The following SV2C variants were observed in gnomAD, a reference collection of about 807,000 sequenced individuals.
SV2C encodes the protein solute carrier family 22 member B3.
In SV2C, 49 loss-of-function variants were observed where a neutral mutation model predicts 79.7. The observed-to-expected ratio is 0.61, with a 90% CI of 0.49 to 0.78. SV2C has a LOEUF of 0.78. Among genes scored for constraint, SV2C ranks in the 30% least tolerant of loss-of-function variants. The pLI, the probability that SV2C is intolerant of heterozygous loss-of-function variation, is 0.00. For missense variants in SV2C, 833 were observed against 912.9 expected, an observed-to-expected ratio of 0.91 and a Z score of 1.13; for synonymous variants, 334 against 333.2, an observed-to-expected ratio of 1.00 and a Z score of -0.03.
At chr5:76,120,588 A>G (rs1748455121) in intron 1 of SV2C, among the ~76,000 whole-genome samples, 2 of 136,060 alleles carry the variant, frequency 1.5e-5, no homozygotes, top group African/African-American at 2.9e-5. Flanking sequence ...TCATTGTTCA[A>G]TTCCCATCTA....
the SV2C span, among the ~76,000 whole-genome samples, chr5:75,852,840 A>AG: frequency 2.0e-5 from 3 of 148,060 alleles, no homozygotes; most frequent in African/African-American, 7.7e-5. Context: ...AAAAAAAAAA[A>AG]AAAGAAAAAA....
At chr5:75,946,566 T>A in the SV2C span, among the ~76,000 whole-genome samples, 1 of 152,024 alleles carries the variant, frequency 6.6e-6, no homozygotes, top group Non-Finnish European at 1.5e-5. Flanking sequence ...TCCTTTGCAT[T>A]ACCGTATGAA....
chr5:76,063,988 G>A, the SV2C span, among the ~76,000 whole-genome samples: 4 of 152,064 alleles, frequency 2.6e-5, no homozygotes, highest in East Asian at 1.9e-4. Flanking sequence ...TTACAAAAAC[G>A]ATTTTTTAAA....
chr5:76,138,889 C>G (rs1365903365), intron 2 of SV2C, among the ~76,000 whole-genome samples: 1 of 152,178 alleles, frequency 6.6e-6, no homozygotes, highest in African/African-American at 2.4e-5. Context: ...GAGGCTGAGG[C>G]AGGCAGATCA....
chr5:76,289,131 T>C (rs1747458359), intron 6 of SV2C, among the ~76,000 whole-genome samples: 1 of 152,144 alleles, frequency 6.6e-6, no homozygotes, highest in Non-Finnish European at 1.5e-5. Flanking sequence ...AAGTGATCCT[T>C]CTGCCTCAGC....
chr5:76,106,497 A>T (rs576655205), intron 1 of SV2C, among the ~76,000 whole-genome samples: 1 of 152,324 alleles, frequency 6.6e-6, no homozygotes, highest in African/African-American at 2.4e-5. Context: ...AAGTCCTTAC[A>T]GATGTACACA....
chr5:75,994,178 T>C, the SV2C span, among the ~76,000 whole-genome samples: 2 of 152,096 alleles, frequency 1.3e-5, no homozygotes, highest in African/African-American at 2.4e-5. Context: ...TGAGCAAATT[T>C]AAAAACGTAA....
chr5:75,936,863 C>T, the SV2C span, among the ~76,000 whole-genome samples: 8 of 152,166 alleles, frequency 5.3e-5, no homozygotes, highest in African/African-American at 1.4e-4. Context: ...GTCAAATGTT[C>T]GTTACCTTAA....
chr5:76,270,327 G>C (rs1331241693), intron 4 of SV2C, among the ~76,000 whole-genome samples: 1 of 152,118 alleles, frequency 6.6e-6, no homozygotes, highest in Non-Finnish European at 1.5e-5. Flanking sequence ...TACTAGGTTT[G>C]TTCACAAAAA....
the SV2C span, among the ~76,000 whole-genome samples, chr5:75,860,545 A>G: frequency 2.0e-5 from 3 of 152,222 alleles, no homozygotes; most frequent in African/African-American, 7.2e-5. Context: ...TGCTATTCCG[A>G]TTCAACTACC....
chr5:76,086,408 C>T (rs1747197818), intron 1 of SV2C, among the ~76,000 whole-genome samples: 1 of 152,202 alleles, frequency 6.6e-6, no homozygotes, highest in African/African-American at 2.4e-5. Context: ...TGTTGTTATT[C>T]ATATTACTCC....
intron 3 of SV2C, among the ~76,000 whole-genome samples, chr5:76,202,540 A>G (rs1261632632): frequency 2.0e-5 from 3 of 152,244 alleles, no homozygotes; most frequent in Admixed American, 1.3e-4. Context: ...CAACGTATAC[A>G]TGATATGTGC....
intron 2 of SV2C, among the ~76,000 whole-genome samples, chr5:76,159,237 T>C (rs1742829302): frequency 6.6e-6 from 1 of 152,126 alleles, no homozygotes. Context: ...AGATGCCCAC[T>C]CTTGCTATTT....
At chr5:76,092,092 C>CCGAT (rs1053211249) in intron 1 of SV2C, among the ~76,000 whole-genome samples, 23 of 152,048 alleles carry the variant, frequency 1.5e-4, no homozygotes, top group African/African-American at 5.3e-4. Flanking sequence ...TTTAGTAGAA[C>CCGAT]CGATATAGTA....
the SV2C span, among the ~76,000 whole-genome samples, chr5:75,999,392 AG>A: frequency 2.2e-5 from 1 of 45,494 alleles, no homozygotes; most frequent in African/African-American, 7.0e-5. Context: ...AGAGAGAGAG[AG>A]AGAGAGAGAG....
the SV2C span, among the ~76,000 whole-genome samples, chr5:76,049,641 C>A: frequency 6.6e-6 from 1 of 152,136 alleles, no homozygotes. Flanking sequence ...CAAGTAATGT[C>A]ATTTTGAGTT....
At chr5:76,139,442 C>T (rs570114313) in intron 2 of SV2C, among the ~76,000 whole-genome samples, 5 of 152,260 alleles carry the variant, frequency 3.3e-5, no homozygotes, top group African/African-American at 1.2e-4. Context: ...AATATGCTGG[C>T]CAAAGATTGC....
chr5:76,341,166 G>T (rs919234680), intron 12 of SV2C, among the ~76,000 whole-genome samples: 7 of 152,034 alleles, frequency 4.6e-5, no homozygotes, highest in African/African-American at 1.2e-4. Flanking sequence ...CCTGACCTCA[G>T]GTGATCCACC....
intron 4 of SV2C, among the ~76,000 whole-genome samples, chr5:76,211,486 G>A (rs1448298294): frequency 1.3e-5 from 2 of 152,078 alleles, no homozygotes; most frequent in South Asian, 2.1e-4. Context: ...GTGTGTGTGT[G>A]TGTGTGTGTG....
Sources: gnomAD v4.1 joint callset for allele counts (sites outside exome capture counted in the v4.1 genomes callset) on GRCh38, gnomAD v4.1.1 for gene constraint, MANE v1.5 for transcripts, NCBI Gene and HGNC (gene_info 2026-07-23, HGNC 2026-07-21) for gene names.